The following PLPPR1 variants were observed in gnomAD, a reference collection of about 807,000 sequenced individuals.
The protein encoded by PLPPR1 is phospholipid phosphatase-related protein type 1.
Under a neutral mutation model 33.1 loss-of-function variants are expected in PLPPR1, and 10 were observed. That is an observed-to-expected ratio of 0.30 (90% CI 0.19 to 0.51). The LOEUF (loss-of-function observed/expected upper bound fraction) is 0.51, where lower values mean the gene tolerates loss of function less well. Ranked by LOEUF, PLPPR1 falls within the 20% of genes least tolerant of loss-of-function variation. PLPPR1 has a pLI of 0.97. For synonymous variants in PLPPR1, 151 were observed against 151.0 expected, an observed-to-expected ratio of 1.00 and a Z score of 0.00; for missense variants, 304 against 408.1, an observed-to-expected ratio of 0.74 and a Z score of 2.20.
At chr9:101,070,473 C>G (rs971054759) in intron 1 of PLPPR1, among the ~76,000 whole-genome samples, 2 of 151,994 alleles carry the variant, frequency 1.3e-5, no homozygotes, top group Middle Eastern at 3.4e-3. Flanking sequence ...TAAAGGAACT[C>G]GAAGCAGGTC....
At chr9:101,138,926 C>A (rs1588043877) in intron 1 of PLPPR1, among the ~76,000 whole-genome samples, 1 of 152,162 alleles carries the variant, frequency 6.6e-6, no homozygotes, top group South Asian at 2.1e-4. Context: ...GTGACCACTT[C>A]TGTGTGCCTA....
At chr9:101,301,707 A>T (rs1025638371) in intron 4 of PLPPR1, among the ~76,000 whole-genome samples, 2 of 152,214 alleles carry the variant, frequency 1.3e-5, no homozygotes, top group African/African-American at 4.8e-5. Flanking sequence ...TATATAGGGC[A>T]TATGGATCAA....
At chr9:101,260,986 A>C (rs1827888471) in intron 2 of PLPPR1, among the ~76,000 whole-genome samples, 1 of 152,224 alleles carries the variant, frequency 6.6e-6, no homozygotes, top group Admixed American at 6.5e-5. Flanking sequence ...AAAAGCACTG[A>C]AAAGGAAGAG....
At chr9:101,124,048 ATT>A in intron 1 of PLPPR1, among the ~76,000 whole-genome samples, 1 of 152,236 alleles carries the variant, frequency 6.6e-6, no homozygotes, top group East Asian at 1.9e-4. Context: ...AGAAGGTATT[ATT>A]ATTACTATCA....
At chr9:101,314,604 A>T (rs143267206) in intron 6 of PLPPR1, among the ~76,000 whole-genome samples, 182 of 146,420 alleles carry the variant, frequency 1.2e-3, no homozygotes, top group African/African-American at 4.2e-3. Context: ...ATTATGTCTA[A>T]AAAAAAAAAA....
chr9:101,172,214 G>T (rs538746045), intron 1 of PLPPR1, among the ~76,000 whole-genome samples: 12 of 152,034 alleles, frequency 7.9e-5, no homozygotes, highest in African/African-American at 1.4e-4. Flanking sequence ...ACACATATTT[G>T]CTTCCAGGAG....
Position 101,184,684 on chromosome 9 carries a change from AAACT to A in PLPPR1, c.-45-759_-45-756del, listed in dbSNP as rs533851033. Among the ~76,000 whole-genome samples, 13 of 152,058 alleles carry A rather than the reference AAACT, an allele frequency of 8.5e-5. No individual in the cohort carries two copies. In the South Asian group the frequency reaches 2.5e-3, roughly 29 times the overall value. On this transcript the variant is annotated intron_variant, in intron 1 of 7. Transcript: ENST00000374874. ...TACTTCATTGTATTAAGAAGAATCA[AAACT>A]AACTAATCTCCTAATACAATTATAT... is the stretch of plus-strand genomic sequence containing the variant.
chr9:101,171,406 A>G (rs1359014866), intron 1 of PLPPR1, among the ~76,000 whole-genome samples: 1 of 152,080 alleles, frequency 6.6e-6, no homozygotes, highest in Non-Finnish European at 1.5e-5. Context: ...CAAAGATTTG[A>G]CTAAATTTCA....
At chr9:101,148,682 T>C (rs1419966220) in intron 1 of PLPPR1, among the ~76,000 whole-genome samples, 2 of 152,198 alleles carry the variant, frequency 1.3e-5, no homozygotes, top group Admixed American at 1.3e-4. Flanking sequence ...TCTTGCTGTA[T>C]GTTCACTTGG....
At chr9:101,085,220 C>A (rs1003533495) in intron 1 of PLPPR1, among the ~76,000 whole-genome samples, 1 of 152,144 alleles carries the variant, frequency 6.6e-6, no homozygotes, top group African/African-American at 2.4e-5. Context: ...GCATTCATAT[C>A]CCTGGCCCCA....
intron 1 of PLPPR1, among the ~76,000 whole-genome samples, chr9:101,090,775 C>A (rs1240290558): frequency 6.6e-6 from 1 of 151,722 alleles, no homozygotes; most frequent in African/African-American, 2.4e-5. Flanking sequence ...TATTGGGACC[C>A]ACCTTTCCTT....
intron 4 of PLPPR1, among the ~76,000 whole-genome samples, chr9:101,290,270 A>G (rs1828471888): frequency 6.6e-6 from 1 of 152,244 alleles, no homozygotes; most frequent in Admixed American, 6.5e-5. Context: ...TACGCAATTG[A>G]CATTGGAAAA....
At chr9:101,107,914 A>G (rs1226087335) in intron 1 of PLPPR1, among the ~76,000 whole-genome samples, 2 of 151,164 alleles carry the variant, frequency 1.3e-5, no homozygotes, top group African/African-American at 2.5e-5. Flanking sequence ...CCGATTTTCC[A>G]GGTGCGTTCG....
At chr9:101,068,904 GAA>G (rs1292304371) in intron 1 of PLPPR1, among the ~76,000 whole-genome samples, 1 of 152,102 alleles carries the variant, frequency 6.6e-6, no homozygotes, top group Non-Finnish European at 1.5e-5. Context: ...TCTGTCTGCT[GAA>G]AGACTGCTTA....
At chr9:101,295,214 G>A (rs1239977954) in intron 4 of PLPPR1, among the ~76,000 whole-genome samples, 2 of 151,734 alleles carry the variant, frequency 1.3e-5, no homozygotes, top group Non-Finnish European at 2.9e-5. Flanking sequence ...GCTTCAAAGA[G>A]AATAAAATAC....
chr9:101,181,090 A>G (rs980660396), intron 1 of PLPPR1, among the ~76,000 whole-genome samples: 1 of 149,230 alleles, frequency 6.7e-6, no homozygotes, highest in African/African-American at 2.4e-5. Context: ...ACTTCTCAAA[A>G]GAGGACATAC....
At chr9:101,301,324 A>G (rs1225190333) in intron 4 of PLPPR1, among the ~76,000 whole-genome samples, 1 of 152,194 alleles carries the variant, frequency 6.6e-6, no homozygotes, top group Non-Finnish European at 1.5e-5. Context: ...TAATTTTATA[A>G]TCAATTTATA....
At chr9:101,106,128 G>A (rs939863308) in intron 1 of PLPPR1, among the ~76,000 whole-genome samples, 1 of 151,204 alleles carries the variant, frequency 6.6e-6, no homozygotes, top group African/African-American at 2.5e-5. Flanking sequence ...TCTTTTAATT[G>A]CAGAATTTAG....
chr9:101,186,133 T>C (rs1415297903), intron 2 of PLPPR1, among the ~76,000 whole-genome samples: 1 of 151,866 alleles, frequency 6.6e-6, no homozygotes, highest in African/African-American at 2.4e-5. Context: ...TTCCAGCACC[T>C]TTTTGGTTAA....
Sources: allele counts gnomAD v4.1 joint callset (sites outside exome capture counted in the v4.1 genomes callset), GRCh38; gene constraint gnomAD v4.1.1; transcripts MANE v1.5; gene names NCBI Gene and HGNC (gene_info 2026-07-23, HGNC 2026-07-21).